GFM1: variants seen among roughly 807,000 people sequenced by gnomAD.
GFM1 encodes the protein G elongation factor mitochondrial 1, also known as elongation factor G, mitochondrial.
GFM1 carries 62 observed loss-of-function variants against 96.2 expected under a neutral mutation model. That is an observed-to-expected ratio of 0.64 (90% confidence interval 0.53 to 0.80). The LOEUF is 0.80. Among genes scored for constraint, GFM1 ranks in the 30% least tolerant of loss-of-function variants. The pLI is 0.00. For missense variants in GFM1, 852 were observed against 916.6 expected, an observed-to-expected ratio of 0.93 and a Z score of 0.91; for synonymous variants, 282 against 312.9, an observed-to-expected ratio of 0.90 and a Z score of 1.04.
chr3:158,691,301 AAAC>A lies in GFM1; in HGVS notation c.2125-32_2125-30del, dbSNP rs552631941. On this transcript the variant is annotated intron_variant, in intron 17 of 17. Transcript: ENST00000486715. The stretch of plus-strand genomic sequence containing the variant: ...TTGATAGTTTAAAAAACAAACAAAC[AAAC>A]AAAAAACCCTCTCTTTTTTTTAAAT... 820 of 1,582,682 alleles carry A rather than the reference AAAC, an allele frequency of 5.2e-4. 2 individuals carry two copies. In the African/African-American group the frequency reaches 0.011, roughly 22 times the overall value.
At chr3:158,672,134 A>T (rs1289162326) in intron 13 of GFM1, among the ~76,000 whole-genome samples, 1 of 152,200 alleles carries the variant, frequency 6.6e-6, no homozygotes, top group Non-Finnish European at 1.5e-5. Context: ...CTCTGCCTTA[A>T]GGTGAAAACA....
At chr3:158,670,070 T>C (rs1014947416) in intron 13 of GFM1, among the ~76,000 whole-genome samples, 1 of 152,236 alleles carries the variant, frequency 6.6e-6, no homozygotes, top group Non-Finnish European at 1.5e-5. Flanking sequence ...GGTTATGCTT[T>C]GTAAAGATGG....
rs373776747 is a variant in GFM1 at position 158,690,262 on chromosome 3, G to A, written c.2009G>A (p.Arg670Gln). 14 of 1,613,552 alleles carry A rather than the reference G, an allele frequency of 8.7e-6. 1 individual carries two copies. Among genetic ancestry groups the A allele is most frequent in the Middle Eastern group, 3.3e-4 (2 of 6,080 alleles). Residue 670 changes from arginine (R) to glutamine (Q), a missense_variant, in exon 16 of 18, where the codon CGA becomes CAA. Transcript: ENST00000486715. ...FQGQVIAGIN[R>Q]RHGVITGQDG... Reference sequence around the variant, plus strand: ...GGACAAGTAATTGCAGGAATTAACCGACGCCATGGGGTAATCACTGGGCAA... The same window carrying A: ...GGACAAGTAATTGCAGGAATTAACCAACGCCATGGGGTAATCACTGGGCAA...
chr3:158,688,244 T>C (rs1041163181), intron 15 of GFM1, among the ~76,000 whole-genome samples: 4 of 152,158 alleles, frequency 2.6e-5, no homozygotes, highest in African/African-American at 9.6e-5. Context: ...AAAAATTTCT[T>C]TTAGGACTTG....
At chr3:158,653,288 A>T (rs748329050) in intron 6 of GFM1, 22 bp from the exon 7 acceptor site, 2 of 1,597,538 alleles carry the variant, frequency 1.3e-6, no homozygotes, top group South Asian at 1.1e-5. Flanking sequence ...ATTAACTACC[A>T]TTAAATTGTT....
At chr3:158,670,916 G>A in intron 13 of GFM1, 1 of 1,472,250 alleles carries the variant, frequency 6.8e-7, no homozygotes, top group Non-Finnish European at 9.0e-7. Context: ...CTGGGTGATA[G>A]AGTGAGACCC....
At chr3:158,674,431 A>G (rs1476960297) in intron 13 of GFM1, among the ~76,000 whole-genome samples, 1 of 152,150 alleles carries the variant, frequency 6.6e-6, no homozygotes, top group Non-Finnish European at 1.5e-5. Flanking sequence ...AATACAGAAT[A>G]TCAGCCAATT....
chr3:158,670,667 AG>A (rs1365511708), intron 13 of GFM1, among the ~76,000 whole-genome samples: 1 of 152,250 alleles, frequency 6.6e-6, no homozygotes, highest in Non-Finnish European at 1.5e-5. Flanking sequence ...TGATCAGCAA[AG>A]ATGATCTGGA....
chr3:158,695,340 C>CTCCA lies in GFM1; in HGVS notation c.*3874_*3877dup, dbSNP rs1406027911. The CTCCA allele has an allele frequency of 1.3e-5, 2 of 151,912 alleles. No homozygotes were observed. Among genetic ancestry groups the CTCCA allele is most frequent in the Non-Finnish European group, 2.9e-5 (2 of 68,026 alleles). The allele number at this position is 151,912 out of a possible 1,614,324, so 9.4% of individuals were successfully genotyped here. A position where few individuals can be genotyped will look rare whatever the true frequency, so the allele number is the denominator to read the frequency against. On this transcript the variant is annotated 3_prime_UTR_variant, in exon 18 of 18. Transcript: ENST00000486715. The stretch of plus-strand genomic sequence containing the variant: ...AGTGAGCTGAGATGGCACCACTGCA[C>CTCCA]TCCAGCACTCCAGCACTCCAGCCTA...
chr3:158,659,247 ATT>A, intron 9 of GFM1, among the ~76,000 whole-genome samples, 188 bp downstream of exon 9: 1 of 152,096 alleles, frequency 6.6e-6, no homozygotes, highest in Admixed American at 6.5e-5. Context: ...TTGTTAACTC[ATT>A]TTTTTTAATA....
rs145151855 is a variant in GFM1, at chr3:158,672,450, G to C, written c.1601+6064G>C. 8.7e-6 allele frequency: 14 copies of C among 1,613,974 alleles called. No individual in the cohort carries two copies. In the African/African-American group the frequency reaches 1.7e-4, roughly 20 times the overall value. ...CTGTGCCACCAAGGCCGCCCTGGAG[G>C]CTGGGTAGTTGGTCGGCGGGATTTC... On this transcript the variant is annotated intron_variant, in intron 13 of 17. Transcript: ENST00000486715.
At chr3:158,679,816 A>G (rs1725211546) in intron 13 of GFM1, among the ~76,000 whole-genome samples, 1 of 152,178 alleles carries the variant, frequency 6.6e-6, no homozygotes, top group African/African-American at 2.4e-5. Flanking sequence ...TTGCTAGTTA[A>G]TATCTCCTGT....
At chr3:158,667,969 A>G (rs1688103829) in intron 13 of GFM1, among the ~76,000 whole-genome samples, 1 of 152,244 alleles carries the variant, frequency 6.6e-6, no homozygotes, top group African/African-American at 2.4e-5. Context: ...GCTAAGGGAA[A>G]TAATCTGTAT....
intron 8 of GFM1, among the ~76,000 whole-genome samples, chr3:158,658,201 C>G (rs1207029704): frequency 1.7e-5 from 2 of 117,538 alleles, no homozygotes; most frequent in Non-Finnish European, 3.2e-5. Context: ...CTCACCTATT[C>G]TGTTGCCCAG....
chr3:158,673,405 C>T (rs1039696753), intron 13 of GFM1, among the ~76,000 whole-genome samples: 26 of 151,874 alleles, frequency 1.7e-4, no homozygotes, highest in African/African-American at 6.0e-4. Flanking sequence ...CAGGTTTATC[C>T]TTGGTGGTCT....
chr3:158,690,593 A>C lies in GFM1; in HGVS notation c.2070+270A>C, dbSNP rs1363071589. 1.2e-5 allele frequency: 5 copies of C among 428,150 alleles called. 1 individual carries two copies. The highest frequency in any genetic ancestry group is 1.0e-4 in the African/African-American group (5 of 49,354). 26.5% of individuals were successfully genotyped at this position (428,150 alleles called of 1,614,324 possible). On this transcript the variant is annotated intron_variant, in intron 16 of 17. Transcript: ENST00000486715. ...AAGCACAGATGGACAAATTAAAAAG[A>C]AAAGGAAAAATAAAATAAGATGTAT...
rs1726456553 is a variant in GFM1, at chr3:158,693,878, A to G, written c.*2411A>G. 1 of 152,234 alleles carries G rather than the reference A, an allele frequency of 6.6e-6. No homozygotes were observed. Among genetic ancestry groups the G allele is most frequent in the South Asian group, 2.1e-4 (1 of 4,834 alleles). 9.4% of individuals were successfully genotyped at this position (152,234 alleles called of 1,614,324 possible). Reference sequence around the variant, plus strand: ...TTTTTTGGGTGATTCTAATATGCAGACAAAGTTAAAGACCGCTGAAATATT... The same window carrying G: ...TTTTTTGGGTGATTCTAATATGCAGGCAAAGTTAAAGACCGCTGAAATATT... On this transcript the variant is annotated 3_prime_UTR_variant, in exon 18 of 18. Coordinates refer to ENST00000486715, the MANE Select transcript of GFM1 (RefSeq NM_024996.7).
In GFM1 at chr3:158,694,857, A is replaced by C. The variant is rs542589309; in HGVS notation, c.*3390A>C. Among the ~76,000 whole-genome samples, 1 of 152,122 alleles carries C rather than the reference A, an allele frequency of 6.6e-6. No homozygotes were observed. The highest frequency in any genetic ancestry group is 2.1e-4 in the South Asian group (1 of 4,834). ...GAATGTAGACAAAATCCCTGGTATT[A>C]TTTTATATGTCTTAAGAAAGTTCTA... On this transcript the variant is annotated 3_prime_UTR_variant, in exon 18 of 18. Coordinates refer to ENST00000486715, the MANE Select transcript of GFM1 (RefSeq NM_024996.7).
At chr3:158,660,724 G>A (rs956218149) in intron 9 of GFM1, 150 bp from the exon 10 acceptor site, 1 of 685,012 alleles carries the variant, frequency 1.5e-6, no homozygotes, top group Non-Finnish European at 2.6e-6. Flanking sequence ...TTATTGTATT[G>A]GTTCTAGCTA....
Sources: gnomAD v4.1 joint callset for allele counts (sites outside exome capture counted in the v4.1 genomes callset) on GRCh38, gnomAD v4.1.1 for gene constraint, MANE v1.5 for transcripts, NCBI Gene and HGNC (gene_info 2026-07-23, HGNC 2026-07-21) for gene names.